CALN1: variants seen among roughly 807,000 people sequenced by gnomAD.
The protein encoded by CALN1 is calneuron 1.
CALN1 carries 17 observed loss-of-function variants against 30.6 expected under a neutral mutation model. The observed-to-expected ratio is 0.56, with a 90% CI of 0.38 to 0.83. The LOEUF (loss-of-function observed/expected upper bound fraction) is 0.83. CALN1 is among the 40% of genes least tolerant of loss of function. CALN1 has a pLI of 0.00. For synonymous variants in CALN1, 156 were observed against 131.4 expected, an observed-to-expected ratio of 1.19 and a Z score of -1.28; for missense variants, 291 against 354.9, an observed-to-expected ratio of 0.82 and a Z score of 1.45.
intron 4 of CALN1, among the ~76,000 whole-genome samples, chr7:72,070,191 A>T (rs185157086): frequency 6.6e-6 from 1 of 152,330 alleles, no homozygotes; most frequent in African/African-American, 2.4e-5. Context: ...AACACATATG[A>T]AAAGGGAGGG....
chr7:72,050,172 G>C (rs1802747576), intron 4 of CALN1, among the ~76,000 whole-genome samples: 1 of 152,130 alleles, frequency 6.6e-6, no homozygotes, highest in East Asian at 1.9e-4. Context: ...GGGAGGTTCA[G>C]ATATTAGGTG....
chr7:72,031,013 T>C (rs972014935), intron 4 of CALN1, among the ~76,000 whole-genome samples: 1 of 152,200 alleles, frequency 6.6e-6, no homozygotes, highest in Non-Finnish European at 1.5e-5. Flanking sequence ...GGACATATAC[T>C]AATTCATTTA....
chr7:72,462,360 T>C, the CALN1 span, among the ~76,000 whole-genome samples: 3 of 152,082 alleles, frequency 2.0e-5, no homozygotes, highest in Non-Finnish European at 2.9e-5. Context: ...TATTTCTCTA[T>C]CTTTTTTAAA....
intron 3 of CALN1, among the ~76,000 whole-genome samples, chr7:72,274,221 TACAAGGCCAAGC>T (rs1483837196): frequency 3.9e-5 from 6 of 152,224 alleles, no homozygotes; most frequent in African/African-American, 1.4e-4. Flanking sequence ...AAGATAGCAT[TACAAGGCCAAGC>T]ACAGGGTCTC....
At chr7:71,945,952 GAGA>G (rs1796385126) in intron 5 of CALN1, among the ~76,000 whole-genome samples, 1 of 152,230 alleles carries the variant, frequency 6.6e-6, no homozygotes, top group Non-Finnish European at 1.5e-5. Flanking sequence ...CCAGAGTTCA[GAGA>G]AGTTAGGGCA....
At chr7:71,930,115 T>C (rs984738191) in intron 5 of CALN1, among the ~76,000 whole-genome samples, 3 of 152,220 alleles carry the variant, frequency 2.0e-5, no homozygotes, top group African/African-American at 7.2e-5. Context: ...GAATAGTGAC[T>C]AAAGAAAAAA....
chr7:72,270,076 A>G (rs1041016834), intron 3 of CALN1, among the ~76,000 whole-genome samples: 5 of 152,034 alleles, frequency 3.3e-5, no homozygotes, highest in African/African-American at 4.8e-5. Flanking sequence ...AGATCTGAAA[A>G]AAATTTGGGT....
intron 5 of CALN1, among the ~76,000 whole-genome samples, chr7:71,812,925 TC>T (rs1562802012): frequency 1.4e-4 from 12 of 85,546 alleles, no homozygotes; most frequent in African/African-American, 4.0e-4. Context: ...TTTATCATCA[TC>T]ATCATTATTA....
rs1343147824 is a variant in CALN1 at position 71,787,595 on chromosome 7, G to A, written c.*180C>T. ...GACAGCCCTTTAGTGTCCCTGCCAAGGAGATGAAGCTGAAGTGCAACCCCA... is the reference window on the plus strand; with the variant it reads ...GACAGCCCTTTAGTGTCCCTGCCAAAGAGATGAAGCTGAAGTGCAACCCCA... On this transcript the variant is annotated 3_prime_UTR_variant, in exon 7 of 7. Coordinates refer to ENST00000395275, the MANE Select transcript of CALN1 (RefSeq NM_031468.4). 5 of 707,038 alleles carry A rather than the reference G, an allele frequency of 7.1e-6. No homozygotes were observed. In the East Asian group the frequency reaches 1.1e-4, roughly 16 times the overall value. 43.8% of individuals were successfully genotyped at this position (707,038 alleles called of 1,614,324 possible).
chr7:72,042,554 G>GC (rs1377549607), intron 4 of CALN1, among the ~76,000 whole-genome samples: 10 of 152,058 alleles, frequency 6.6e-5, no homozygotes, highest in African/African-American at 2.2e-4. Context: ...TCTCTGCCTG[G>GC]CATGTACTCA....
Position 72,385,030 on chromosome 7 carries a change from G to A in CALN1, c.119+18221C>T, listed in dbSNP as rs558274910. Among the ~76,000 whole-genome samples, 50 of 152,220 alleles carry A rather than the reference G, an allele frequency of 3.3e-4. 1 individual carries two copies. The highest frequency in any genetic ancestry group is 6.8e-3 in the Middle Eastern group (2 of 294). ...TACTCCTCCGCAAGAAAAAATATAC[G>A]GATGGCAAGTAAACATATGAAAAGA... On this transcript the variant is annotated intron_variant, in intron 2 of 6. Coordinates refer to ENST00000395275, the MANE Select transcript of CALN1 (RefSeq NM_031468.4).
chr7:71,856,176 C>T (rs890449018), intron 5 of CALN1, among the ~76,000 whole-genome samples: 1 of 151,258 alleles, frequency 6.6e-6, no homozygotes, highest in African/African-American at 2.4e-5. Context: ...ACAGCCCTTG[C>T]CTGGGGTGAT....
chr7:72,242,160 T>C (rs1464285465), intron 3 of CALN1, among the ~76,000 whole-genome samples: 1 of 152,204 alleles, frequency 6.6e-6, no homozygotes, highest in Non-Finnish European at 1.5e-5. Context: ...TTATTTCACT[T>C]ACCATGCTAT....
At chr7:72,319,239 A>G (rs1585471965) in intron 2 of CALN1, among the ~76,000 whole-genome samples, 1 of 152,186 alleles carries the variant, frequency 6.6e-6, no homozygotes. Context: ...GAGACTGGAC[A>G]ATTTACAAAA....
At chr7:72,047,899 GGAAAAT>G (rs1267956805) in intron 4 of CALN1, among the ~76,000 whole-genome samples, 1 of 152,136 alleles carries the variant, frequency 6.6e-6, no homozygotes, top group African/African-American at 2.4e-5. Flanking sequence ...TGCTGCAGAA[GGAAAAT>G]GCAGGGAAAT....
chr7:72,482,411 T>C, the CALN1 span, among the ~76,000 whole-genome samples: 1 of 152,172 alleles, frequency 6.6e-6, no homozygotes, highest in Non-Finnish European at 1.5e-5. Context: ...ATTTGTTTTC[T>C]ATTTGTTCCA....
intron 3 of CALN1, among the ~76,000 whole-genome samples, chr7:72,260,797 C>A (rs567207401): frequency 1.3e-5 from 2 of 152,246 alleles, no homozygotes; most frequent in South Asian, 4.1e-4. Context: ...CACCACAGCA[C>A]CAGATGGCAG....
chr7:71,790,834 C>T (rs558772916), intron 6 of CALN1, among the ~76,000 whole-genome samples: 15 of 152,148 alleles, frequency 9.9e-5, no homozygotes, highest in African/African-American at 2.9e-4. Context: ...TCAGTAGGCC[C>T]GGAGTAGGAT....
At chr7:72,108,271 A>G (rs921956836) in intron 3 of CALN1, among the ~76,000 whole-genome samples, 1 of 152,230 alleles carries the variant, frequency 6.6e-6, no homozygotes, top group African/African-American at 2.4e-5. Context: ...GGGACCACTC[A>G]GATAATCCAA....
Sources: allele counts gnomAD v4.1 joint callset (sites outside exome capture counted in the v4.1 genomes callset), GRCh38; gene constraint gnomAD v4.1.1; transcripts MANE v1.5; gene names NCBI Gene and HGNC (gene_info 2026-07-23, HGNC 2026-07-21).